The following MSTO1 variants were observed in gnomAD, a reference collection of about 807,000 sequenced individuals.
MSTO1 encodes protein misato homolog 1.
Under a neutral mutation model 55.7 loss-of-function variants are expected in MSTO1, and 24 were observed. The observed-to-expected ratio is 0.43, with a 90% CI of 0.31 to 0.61. The LOEUF is 0.61. Among genes scored for constraint, MSTO1 ranks in the 20% least tolerant of loss-of-function variants. The probability of loss-of-function intolerance (pLI) is 0.09; values close to 1 mark genes in which losing one functional copy is unlikely to be tolerated. For missense variants in MSTO1, 363 were observed against 625.7 expected, an observed-to-expected ratio of 0.58 and a Z score of 4.48; for synonymous variants, 162 against 252.8, an observed-to-expected ratio of 0.64 and a Z score of 3.41.
the MSTO1 span, among the ~76,000 whole-genome samples, chr1:155,576,767 A>G: frequency 2.7e-5 from 4 of 150,934 alleles, no homozygotes; most frequent in Non-Finnish European, 5.9e-5. Context: ...TAATCCCAGC[A>G]CTTTGGGAGG....
the MSTO1 span, among the ~76,000 whole-genome samples, chr1:155,570,293 A>G: frequency 6.6e-6 from 1 of 152,198 alleles, no homozygotes; most frequent in African/African-American, 2.4e-5. Context: ...AGTCCCTTCC[A>G]TAGTAGTTTA....
chr1:155,593,079 T>A, the MSTO1 span, among the ~76,000 whole-genome samples: 1 of 151,868 alleles, frequency 6.6e-6, no homozygotes, highest in East Asian at 1.9e-4. Context: ...ACCTGGCTAA[T>A]TTTTTTGTAT....
the MSTO1 span, among the ~76,000 whole-genome samples, chr1:155,576,822 T>C: frequency 1.4e-5 from 2 of 146,740 alleles, no homozygotes; most frequent in African/African-American, 5.2e-5. Context: ...GAGACCATCC[T>C]GGCTAACATG....
At chr1:155,602,913 G>A in the MSTO1 span, among the ~76,000 whole-genome samples, 5 of 152,062 alleles carry the variant, frequency 3.3e-5, no homozygotes, top group South Asian at 4.2e-4. Context: ...GGTGATTCTT[G>A]GATACCCTGT....
In MSTO1 at chr1:155,611,358, A is replaced by G. The variant is rs537534069; in HGVS notation, c.366+67A>G. The stretch of plus-strand genomic sequence containing the variant: ...CCCGAGGGTCTCCATAGGGGCAGGT[A>G]AACGGGGATTTTAATCATTTTAAGT... On this transcript the variant is annotated intron_variant, in intron 4 of 13. Coordinates refer to ENST00000245564, the MANE Select transcript of MSTO1 (RefSeq NM_018116.4). The G allele has an allele frequency of 1.9e-5, 30 of 1,613,576 alleles. No homozygotes were observed. The South Asian group carries it at 3.1e-4, about 17-fold the overall frequency.
chr1:155,564,097 G>A, the MSTO1 span, among the ~76,000 whole-genome samples: 1 of 152,188 alleles, frequency 6.6e-6, no homozygotes, highest in Non-Finnish European at 1.5e-5. Context: ...TACCTAAAGG[G>A]TAAAGCAGAA....
At chr1:155,597,528 TAGA>T in the MSTO1 span, among the ~76,000 whole-genome samples, 5 of 151,692 alleles carry the variant, frequency 3.3e-5, no homozygotes, top group East Asian at 1.9e-4. Context: ...TTTTTTTTTT[TAGA>T]AGAAGTCTCA....
At chr1:155,609,293 T>G (rs1673322570), upstream of MSTO1, among the ~76,000 whole-genome samples, 1 of 123,372 alleles carries the variant, frequency 8.1e-6, no homozygotes, top group Non-Finnish European at 1.6e-5. Flanking sequence ...TCGCCCAGGA[T>G]GGAGTGCATT....
the MSTO1 span, chr1:155,591,020 C>T: frequency 1.7e-5 from 28 of 1,613,788 alleles, no homozygotes; most frequent in Admixed American, 6.7e-5. Flanking sequence ...ACACAGACGG[C>T]ACGTGCAGCC....
At chr1:155,577,567 A>G in the MSTO1 span, among the ~76,000 whole-genome samples, 2 of 152,182 alleles carry the variant, frequency 1.3e-5, no homozygotes, top group Non-Finnish European at 1.5e-5. Flanking sequence ...CTTGGCATCC[A>G]TGTTGAAAAT....
the MSTO1 span, among the ~76,000 whole-genome samples, chr1:155,564,383 A>G: frequency 3.3e-3 from 505 of 152,160 alleles, 2 homozygotes; most frequent in African/African-American, 0.012. Context: ...AATCCCAGCT[A>G]CTCAGGAGAC....
chr1:155,601,677 C>G, the MSTO1 span, among the ~76,000 whole-genome samples: 1 of 152,066 alleles, frequency 6.6e-6, no homozygotes, highest in Non-Finnish European at 1.5e-5. Context: ...AGTCATTTCC[C>G]ATAACTTAAA....
At chr1:155,586,675 TAAC>T in the MSTO1 span, 1 of 520,508 alleles carries the variant, frequency 1.9e-6, no homozygotes, top group South Asian at 1.4e-5. Context: ...CTGAAAGGAA[TAAC>T]AAGGCTTATC....
At chr1:155,587,194 C>A in the MSTO1 span, among the ~76,000 whole-genome samples, 1 of 152,172 alleles carries the variant, frequency 6.6e-6, no homozygotes, top group Admixed American at 6.5e-5. Context: ...GTAATCCCAG[C>A]ACTTTGAGAG....
the MSTO1 span, chr1:155,598,719 C>A: frequency 1.9e-6 from 1 of 527,174 alleles, no homozygotes. Context: ...GAGACCCAGT[C>A]TCAAACAGCA....
chr1:155,612,581 G>A lies in MSTO1; in HGVS notation c.966+11G>A, dbSNP rs768735577. The A allele has an allele frequency of 6.2e-7, 1 of 1,605,392 alleles. No individual in the cohort carries two copies. The stretch of plus-strand genomic sequence containing the variant: ...TACCTGCATTATGATGTAAGTCTCG[G>A]TGCTCTTGTTCTGACTGCGGCAGGC... On this transcript the variant is annotated intron_variant, in intron 9 of 13. Coordinates refer to ENST00000245564, the MANE Select transcript of MSTO1 (RefSeq NM_018116.4).
chr1:155,563,572 T>C, the MSTO1 span: 2 of 456,330 alleles, frequency 4.4e-6, no homozygotes, highest in Non-Finnish European at 8.8e-6. Flanking sequence ...GATGTTTGTT[T>C]GCCCTTGACG....
At chr1:155,606,198 C>CTTTTTTTTTTTTTTTTTTTTTT (rs747681932), upstream of MSTO1, among the ~76,000 whole-genome samples, 1 of 28,104 alleles carries the variant, frequency 3.6e-5, no homozygotes, top group Non-Finnish European at 7.1e-5. Flanking sequence ...CATGCCCAGC[C>CTTTTTTTTTTTTTTTTTTTTTT]TTTTTTTTTT....
At chr1:155,572,046 A>T in the MSTO1 span, among the ~76,000 whole-genome samples, 4 of 151,220 alleles carry the variant, frequency 2.6e-5, no homozygotes, top group Admixed American at 2.0e-4. Context: ...TTGTCTCAAA[A>T]AAAAAAAAAA....
Sources: gnomAD v4.1 joint callset for allele counts (sites outside exome capture counted in the v4.1 genomes callset) on GRCh38, gnomAD v4.1.1 for gene constraint, MANE v1.5 for transcripts, NCBI Gene and HGNC (gene_info 2026-07-23, HGNC 2026-07-21) for gene names.